Variants in NCKAP5 observed in about 807,000 individuals in gnomAD.
The protein encoded by NCKAP5 is NCK associated protein 5, also known as nck-associated protein 5.
A neutral mutation model predicts 167.0 loss-of-function variants in NCKAP5; 92 were observed. That is an observed-to-expected ratio of 0.55 (90% CI 0.47 to 0.66). The LOEUF is 0.66. Among genes scored for constraint, NCKAP5 ranks in the 30% least tolerant of loss-of-function variants. The probability of loss-of-function intolerance (pLI) is 0.00; values close to 1 mark genes in which losing one functional copy is unlikely to be tolerated. For synonymous variants in NCKAP5, 891 were observed against 877.4 expected (o/e 1.02, Z -0.27); for missense variants, 2,378 against 2,315.0 (o/e 1.03, Z -0.56).
intron 3 of NCKAP5, among the ~76,000 whole-genome samples, chr2:133,439,008 A>G (rs1012334290): frequency 3.9e-5 from 6 of 152,222 alleles, no homozygotes; most frequent in Non-Finnish European, 7.3e-5. Flanking sequence ...AACTTGTCCT[A>G]AAACTGTTTG....
chr2:133,517,742 C>T (rs904263093), intron 2 of NCKAP5, among the ~76,000 whole-genome samples, 155 bp from the exon 3 acceptor site: 10 of 152,258 alleles, frequency 6.6e-5, no homozygotes, highest in African/African-American at 1.9e-4. Flanking sequence ...AAGACCACTC[C>T]GTGTTACAAA....
At chr2:132,911,150 G>C (rs1423236503) in intron 8 of NCKAP5, 2 of 214,804 alleles carry the variant, frequency 9.3e-6, no homozygotes, top group East Asian at 2.2e-4. Flanking sequence ...ATAGGGGCCT[G>C]ACCCACTCAG....
At chr2:133,664,652 A>G in the NCKAP5 span, among the ~76,000 whole-genome samples, 1 of 152,042 alleles carries the variant, frequency 6.6e-6, no homozygotes, top group Admixed American at 6.5e-5. Context: ...GGCGCACACC[A>G]CCACACCCAG....
chr2:133,120,255 A>G (rs2082209607), intron 6 of NCKAP5, among the ~76,000 whole-genome samples: 2 of 152,208 alleles, frequency 1.3e-5, no homozygotes, highest in African/African-American at 2.4e-5. Context: ...TCTCTGCTTC[A>G]TTCTTAAGAA....
intron 6 of NCKAP5, among the ~76,000 whole-genome samples, chr2:133,097,625 C>T (rs998783941): frequency 6.6e-6 from 1 of 152,118 alleles, no homozygotes; most frequent in African/African-American, 2.4e-5. Context: ...TGGTGGATGG[C>T]TCCAACAGTA....
intron 3 of NCKAP5, among the ~76,000 whole-genome samples, chr2:133,422,353 CTTG>C (rs757776651): frequency 5.8e-4 from 89 of 152,320 alleles, no homozygotes; most frequent in Non-Finnish European, 1.0e-3. Flanking sequence ...GCAGCCCTTT[CTTG>C]TTGTTGTTGT....
chr2:133,654,044 T>C, the NCKAP5 span, among the ~76,000 whole-genome samples: 96 of 152,244 alleles, frequency 6.3e-4, no homozygotes, highest in African/African-American at 1.6e-3. Context: ...CAAAGTTCTC[T>C]GGTTTTGGCA....
the NCKAP5 span, among the ~76,000 whole-genome samples, chr2:133,640,662 G>A: frequency 1.3e-5 from 2 of 152,142 alleles, no homozygotes; most frequent in East Asian, 3.9e-4. Context: ...AAAATGTAGG[G>A]TAAAGTCATA....
chr2:133,449,876 C>T lies in NCKAP5; in HGVS notation c.69+67582G>A, dbSNP rs148998804. Among the ~76,000 whole-genome samples the T allele has an allele frequency of 3.3e-5, 5 of 151,630 alleles. No homozygotes were observed. The East Asian group carries it at 9.7e-4, about 30-fold the overall frequency. On this transcript the variant is annotated intron_variant, in intron 3 of 19. Coordinates refer to ENST00000409261, the MANE Select transcript of NCKAP5 (RefSeq NM_207363.3). ...TTTAAAACTTGGATGCATAAGAACT[C>T]GGTTGCATAGCACAATTTTTGTGGG...
intron 5 of NCKAP5, among the ~76,000 whole-genome samples, chr2:133,158,277 T>C (rs2083651151): frequency 2.0e-5 from 3 of 152,204 alleles, no homozygotes; most frequent in South Asian, 4.1e-4. Context: ...AAACAGGTAA[T>C]GTGGGCAAAT....
intron 19 of NCKAP5, among the ~76,000 whole-genome samples, chr2:132,682,158 C>T (rs1008745219): frequency 1.1e-4 from 16 of 152,178 alleles, no homozygotes; most frequent in East Asian, 7.7e-4. Flanking sequence ...ATTCTTTCAA[C>T]GATCAATTCT....
chr2:133,609,426 GGAA>G, the NCKAP5 span, among the ~76,000 whole-genome samples: 1 of 152,186 alleles, frequency 6.6e-6, no homozygotes, highest in Non-Finnish European at 1.5e-5. Context: ...ACTTCTGAGT[GGAA>G]GAAGAACAAT....
At chr2:132,758,145 G>T (rs1207174969) in intron 16 of NCKAP5, among the ~76,000 whole-genome samples, 1 of 152,202 alleles carries the variant, frequency 6.6e-6, no homozygotes, top group East Asian at 1.9e-4. Flanking sequence ...CGGTTGCTTT[G>T]CAGTAAACCT....
chr2:133,258,738 C>T (rs996658495), intron 4 of NCKAP5, among the ~76,000 whole-genome samples: 3 of 149,342 alleles, frequency 2.0e-5, no homozygotes, highest in African/African-American at 7.6e-5. Context: ...AGAGCAAGAT[C>T]CTGTCTCAAT....
intron 4 of NCKAP5, among the ~76,000 whole-genome samples, chr2:133,290,462 G>T (rs1353481589): frequency 6.6e-6 from 1 of 152,152 alleles, no homozygotes; most frequent in Non-Finnish European, 1.5e-5. Context: ...CTACTGGTTA[G>T]AGCCTTCACT....
chr2:132,975,930 C>T (rs1219392871), intron 7 of NCKAP5, among the ~76,000 whole-genome samples: 1 of 152,110 alleles, frequency 6.6e-6, no homozygotes, highest in Non-Finnish European at 1.5e-5. Context: ...AACTGACAAC[C>T]CCGTCACTGA....
At chr2:133,026,174 C>A (rs1322593597) in intron 6 of NCKAP5, among the ~76,000 whole-genome samples, 1 of 140,590 alleles carries the variant, frequency 7.1e-6, no homozygotes, top group African/African-American at 2.7e-5. Context: ...ATGTATTTTG[C>A]CCACTTTTTA....
chr2:133,095,491 C>T (rs1282101903), intron 6 of NCKAP5, among the ~76,000 whole-genome samples: 1 of 152,130 alleles, frequency 6.6e-6, no homozygotes, highest in African/African-American at 2.4e-5. Flanking sequence ...CTGCTTTTGC[C>T]CTTTTGAGAT....
chr2:132,828,437 C>G (rs2105353695), intron 11 of NCKAP5, among the ~76,000 whole-genome samples: 1 of 152,186 alleles, frequency 6.6e-6, no homozygotes, highest in South Asian at 2.1e-4. Flanking sequence ...TAGCACCTCC[C>G]CCTTCTCTCT....
Sources: gnomAD v4.1 joint callset for allele counts (sites outside exome capture counted in the v4.1 genomes callset) on GRCh38, gnomAD v4.1.1 for gene constraint, MANE v1.5 for transcripts, NCBI Gene and HGNC (gene_info 2026-07-23, HGNC 2026-07-21) for gene names.